Variants in TENT4B observed in about 807,000 individuals in gnomAD.
The protein encoded by TENT4B is PAP associated domain containing 5.
In TENT4B, 10 loss-of-function variants were observed where a neutral mutation model predicts 75.0. That is an observed-to-expected ratio of 0.13 (90% CI 0.08 to 0.23). TENT4B has a LOEUF of 0.23. Among genes scored for constraint, TENT4B ranks in the 10% least tolerant of loss-of-function variants. The pLI is 1.00. For missense variants in TENT4B, 579 were observed against 893.8 expected, an observed-to-expected ratio of 0.65 and a Z score of 4.49; for synonymous variants, 350 against 357.7, an observed-to-expected ratio of 0.98 and a Z score of 0.24.
chr16:50,224,320 A>C (rs1032603576), intron 7 of TENT4B, among the ~76,000 whole-genome samples: 2 of 152,220 alleles, frequency 1.3e-5, no homozygotes, highest in African/African-American at 4.8e-5. Flanking sequence ...ATATAAACCC[A>C]AAAAATATAG....
intron 6 of TENT4B, among the ~76,000 whole-genome samples, chr16:50,222,861 G>T (rs2031891389): frequency 6.6e-6 from 1 of 152,164 alleles, no homozygotes; most frequent in Non-Finnish European, 1.5e-5. Flanking sequence ...GTGGCACAGG[G>T]TTGCCAACTG....
intron 1 of TENT4B, among the ~76,000 whole-genome samples, chr16:50,188,087 A>G (rs1286885280): frequency 6.6e-6 from 1 of 152,200 alleles, no homozygotes; most frequent in Non-Finnish European, 1.5e-5. Context: ...TTATAAAAAG[A>G]AAATAAGTTT....
At position 50,170,633 on chromosome 16, in the gene TENT4B, G is replaced by GGA. The variant is rs1157805448; in HGVS notation, c.638+16374_638+16375insGA. Among the ~76,000 whole-genome samples, 113 of 151,950 alleles carry GGA rather than the reference G, an allele frequency of 7.4e-4. 1 individual carries two copies. The highest frequency in any genetic ancestry group is 2.6e-3 in the African/African-American group (109 of 41,464). On this transcript the variant is annotated intron_variant, in intron 1 of 11. Coordinates refer to ENST00000561678, the MANE Select transcript of TENT4B (RefSeq NM_001365324.3). ...GCAGTTGTTCCTGGGGAAGTCAGTA[G>GGA]ACAAAGCTATCTCTCAGGCCTGGGC... is the stretch of plus-strand genomic sequence containing the variant.
At chr16:50,228,658 A>G (rs2032161830) in intron 11 of TENT4B, among the ~76,000 whole-genome samples, 1 of 152,180 alleles carries the variant, frequency 6.6e-6, no homozygotes, top group Non-Finnish European at 1.5e-5. Context: ...CACTTTACCT[A>G]CGCGGCCTTA....
At chr16:50,182,607 CT>C (rs550390336) in intron 1 of TENT4B, among the ~76,000 whole-genome samples, 1 of 152,036 alleles carries the variant, frequency 6.6e-6, no homozygotes. Flanking sequence ...ACATATATAG[CT>C]TTTTTTGTAA....
intron 5 of TENT4B, among the ~76,000 whole-genome samples, 176 bp downstream of exon 5, chr16:50,217,839 C>T (rs369549821): frequency 8.6e-5 from 13 of 151,224 alleles, no homozygotes; most frequent in African/African-American, 2.9e-4. Flanking sequence ...GATCATGGCC[C>T]GCTGCAGCCT....
intron 11 of TENT4B, among the ~76,000 whole-genome samples, chr16:50,228,567 T>C (rs1346656016): frequency 2.6e-5 from 4 of 151,740 alleles, no homozygotes; most frequent in Non-Finnish European, 4.4e-5. Flanking sequence ...GGCCTAAGGC[T>C]GGGTCACTCC....
Position 50,216,045 on chromosome 16 carries a change from G to C in TENT4B, c.810-30G>C, listed in dbSNP as rs372808070. ...TTAAAACAAGTTTCCAACTTCTTCC[G>C]ACCCTCTTGTATATGTATTCTGTGT... On this transcript the variant is annotated intron_variant, in intron 3 of 11. Transcript: ENST00000561678. 2.5e-6 allele frequency: 4 copies of C among 1,611,320 alleles called. 1 individual carries two copies. The South Asian group carries it at 4.4e-5, about 18-fold the overall frequency.
At chr16:50,161,172 TG>T (rs1344538987) in intron 1 of TENT4B, among the ~76,000 whole-genome samples, 1 of 152,222 alleles carries the variant, frequency 6.6e-6, no homozygotes, top group Admixed American at 6.5e-5. Context: ...TACACGTAAT[TG>T]TTTTTTTGTA....
chr16:50,196,988 T>C (rs2030305792), intron 1 of TENT4B, among the ~76,000 whole-genome samples: 1 of 151,646 alleles, frequency 6.6e-6, no homozygotes, highest in Admixed American at 6.6e-5. Context: ...ATGCCTGTAG[T>C]CTCAGCTACT....
intron 1 of TENT4B, among the ~76,000 whole-genome samples, chr16:50,174,724 C>G (rs1290798758): frequency 6.7e-6 from 1 of 148,418 alleles, no homozygotes; most frequent in Admixed American, 7.0e-5. Flanking sequence ...TCTTCATCAG[C>G]TCCCCGTCTC....
chr16:50,170,307 C>T (rs530978148), intron 1 of TENT4B, among the ~76,000 whole-genome samples: 1 of 152,214 alleles, frequency 6.6e-6, no homozygotes, highest in East Asian at 1.9e-4. Context: ...GCGTGAGCCA[C>T]CACACCTGGG....
intron 2 of TENT4B, 32 bp from the exon 3 acceptor site, chr16:50,214,189 C>CAATA: frequency 6.7e-7 from 1 of 1,496,170 alleles, no homozygotes; most frequent in Non-Finnish European, 9.2e-7. Flanking sequence ...TCTGATAACT[C>CAATA]AATATAATAA....
At chr16:50,179,180 T>C (rs1247253067) in intron 1 of TENT4B, among the ~76,000 whole-genome samples, 1 of 152,064 alleles carries the variant, frequency 6.6e-6, no homozygotes, top group East Asian at 1.9e-4. Flanking sequence ...CTGACCAACA[T>C]GGAGAAACCC....
intron 1 of TENT4B, among the ~76,000 whole-genome samples, chr16:50,205,852 A>G (rs145982883): frequency 2.7e-4 from 41 of 152,012 alleles, no homozygotes; most frequent in African/African-American, 8.2e-4. Flanking sequence ...CAGCCTCCCA[A>G]AGTGCTGGGA....
In TENT4B at chr16:50,206,809, T is replaced by A. The variant is rs186556793; in HGVS notation, c.639-4514T>A. Among the ~76,000 whole-genome samples the A allele has an allele frequency of 7.9e-5, 12 of 152,246 alleles. No individual in the cohort carries two copies. In the East Asian group the frequency reaches 1.9e-3, roughly 24 times the overall value. On this transcript the variant is annotated intron_variant, in intron 1 of 11. Transcript: ENST00000561678. ...TGGTTCTTCCTTTTCCAGCCAAAGA[T>A]CTTGAACCTCCCACCCCATGACAAG...
chr16:50,164,824 G>A (rs1057475518), intron 1 of TENT4B, among the ~76,000 whole-genome samples: 17 of 151,988 alleles, frequency 1.1e-4, no homozygotes, highest in African/African-American at 4.1e-4. Context: ...GGCTGAGGCA[G>A]GTGGATCGCT....
intron 1 of TENT4B, among the ~76,000 whole-genome samples, chr16:50,185,621 T>C (rs1323340405): frequency 6.6e-6 from 1 of 152,216 alleles, no homozygotes; most frequent in Non-Finnish European, 1.5e-5. Flanking sequence ...TTTGTTTTTA[T>C]AATTACTTAA....
At chr16:50,209,596 G>A (rs1467771238) in intron 1 of TENT4B, among the ~76,000 whole-genome samples, 3 of 152,164 alleles carry the variant, frequency 2.0e-5, no homozygotes, top group Admixed American at 6.5e-5. Flanking sequence ...CAAACAGGCC[G>A]AACGCTGTTG....
Sources: gnomAD v4.1 joint callset for allele counts (sites outside exome capture counted in the v4.1 genomes callset) on GRCh38, gnomAD v4.1.1 for gene constraint, MANE v1.5 for transcripts, NCBI Gene and HGNC (gene_info 2026-07-23, HGNC 2026-07-21) for gene names.